PFKFB3: variants seen among roughly 807,000 people sequenced by gnomAD.
PFKFB3 encodes the protein 6-phosphofructo-2-kinase/fructose-2,6-biphosphatase 3.
In PFKFB3, 33 loss-of-function variants were observed where a neutral mutation model predicts 68.0. The observed-to-expected ratio is 0.49, with a 90% CI of 0.37 to 0.65. The LOEUF (loss-of-function observed/expected upper bound fraction) is 0.65. Ranked by LOEUF, PFKFB3 falls within the 30% of genes least tolerant of loss-of-function variation. PFKFB3 has a pLI of 0.00. For synonymous variants in PFKFB3, 315 were observed against 288.2 expected, an observed-to-expected ratio of 1.09 and a Z score of -0.94; for missense variants, 586 against 712.2, an observed-to-expected ratio of 0.82 and a Z score of 2.02.
the PFKFB3 span, among the ~76,000 whole-genome samples, chr10:6,274,908 C>T: frequency 1.2e-5 from 1 of 80,848 alleles, no homozygotes; most frequent in African/African-American, 3.0e-5. Flanking sequence ...TACTGGTGAC[C>T]GACACAGAGG....
intron 1 of PFKFB3, among the ~76,000 whole-genome samples, chr10:6,195,275 C>T (rs986172975): frequency 3.3e-5 from 5 of 152,188 alleles, no homozygotes; most frequent in Non-Finnish European, 7.3e-5. Context: ...TTAGTAGTGG[C>T]CATGTTTCCC....
rs1383191686 is a variant in PFKFB3 at position 6,228,041 on chromosome 10, G to A, written c.1515+1676G>A. ...GCATCCTCCTGTCCGCTTCAGAGCTGCCCCTGGCGTTGGGAGGACAGTCCT... is the reference window on the plus strand; with the variant it reads ...GCATCCTCCTGTCCGCTTCAGAGCTACCCCTGGCGTTGGGAGGACAGTCCT... On this transcript the variant is annotated intron_variant, in intron 14 of 14. Transcript: ENST00000379775. This position sits in a 1 kb window ranked among gnomAD's most constrained non-coding sequence, Gnocchi z 4.5. Among the ~76,000 whole-genome samples the A allele has an allele frequency of 6.6e-6, 1 of 152,202 alleles. No homozygotes were observed. The highest frequency in any genetic ancestry group is 1.5e-5 in the Non-Finnish European group (1 of 68,028).
chr10:6,261,147 G>C, the PFKFB3 span, among the ~76,000 whole-genome samples: 1 of 152,188 alleles, frequency 6.6e-6, no homozygotes, highest in African/African-American at 2.4e-5. Flanking sequence ...GACAAACGAG[G>C]TTGTCTTTTC....
the PFKFB3 span, chr10:6,326,605 C>A: frequency 2.2e-6 from 1 of 451,340 alleles, no homozygotes; most frequent in Non-Finnish European, 4.4e-6. Context: ...GTTGCCCCGA[C>A]GAGGAAGTGT....
At chr10:6,161,599 C>T (rs1049264836) in intron 1 of PFKFB3, among the ~76,000 whole-genome samples, 4 of 150,148 alleles carry the variant, frequency 2.7e-5, no homozygotes, top group African/African-American at 9.8e-5. Context: ...TATATATACA[C>T]ACACACATAT....
chr10:6,257,749 C>T (rs1178824907), downstream of PFKFB3, among the ~76,000 whole-genome samples: 1 of 151,958 alleles, frequency 6.6e-6, no homozygotes, highest in Non-Finnish European at 1.5e-5. Context: ...GGAAGAGTTC[C>T]TAGGACAACC....
chr10:6,308,045 G>A, the PFKFB3 span, among the ~76,000 whole-genome samples: 524 of 152,258 alleles, frequency 3.4e-3, 4 homozygotes, highest in Non-Finnish European at 6.4e-3. Flanking sequence ...ACCTTCATAT[G>A]GGACTTCATA....
chr10:6,205,502 C>T (rs1242468892), intron 1 of PFKFB3, among the ~76,000 whole-genome samples: 4 of 147,634 alleles, frequency 2.7e-5, no homozygotes, highest in East Asian at 2.0e-4. Flanking sequence ...AAGCGATTCT[C>T]GTGCCTCAGT....
rs1035716889 is a variant in PFKFB3, at chr10:6,209,921, C to T, written c.77-3702C>T. Among the ~76,000 whole-genome samples, 11 of 151,994 alleles carry T rather than the reference C, an allele frequency of 7.2e-5. 1 individual carries two copies. Among genetic ancestry groups the T allele is most frequent in the Admixed American group, 4.6e-4 (7 of 15,270 alleles). ...CTGGGACTACAGGCGCCTGCCATCA[C>T]GCCTGGCTAATGTTTTGTATTTTTA... is the stretch of plus-strand genomic sequence containing the variant. On this transcript the variant is annotated intron_variant, in intron 1 of 14. Coordinates refer to ENST00000379775, the MANE Select transcript of PFKFB3 (RefSeq NM_004566.4).
At chr10:6,256,780 A>G (rs901652535), downstream of PFKFB3, among the ~76,000 whole-genome samples, 1 of 152,230 alleles carries the variant, frequency 6.6e-6, no homozygotes, top group Non-Finnish European at 1.5e-5. Context: ...GGATGTTCAA[A>G]TCGACCCATG....
intron 8 of PFKFB3, among the ~76,000 whole-genome samples, chr10:6,221,133 C>T (rs1301509955): frequency 6.6e-6 from 1 of 152,024 alleles, no homozygotes; most frequent in East Asian, 1.9e-4. Context: ...GTATGTGTGT[C>T]TCTGGTGTGT....
the PFKFB3 span, among the ~76,000 whole-genome samples, chr10:6,306,140 C>T: frequency 2.6e-5 from 4 of 152,158 alleles, no homozygotes; most frequent in African/African-American, 9.7e-5. Context: ...CTTAAGTGAT[C>T]CTCCCGCCTG....
chr10:6,180,376 AAG>A (rs1842676264), intron 1 of PFKFB3, among the ~76,000 whole-genome samples: 1 of 152,236 alleles, frequency 6.6e-6, no homozygotes, highest in African/African-American at 2.4e-5. Flanking sequence ...AATATGAAGA[AAG>A]AAATCATTCA....
chr10:6,165,806 T>G (rs1842116582), intron 1 of PFKFB3, among the ~76,000 whole-genome samples: 1 of 151,822 alleles, frequency 6.6e-6, no homozygotes, highest in Non-Finnish European at 1.5e-5. Flanking sequence ...TTTATTTTCT[T>G]TTTTCTTTGT....
At chr10:6,295,506 G>A in the PFKFB3 span, among the ~76,000 whole-genome samples, 3 of 150,280 alleles carry the variant, frequency 2.0e-5, no homozygotes, top group East Asian at 1.9e-4. Flanking sequence ...GATTACAGCC[G>A]TGAACCACCG....
chr10:6,271,411 G>A, the PFKFB3 span, among the ~76,000 whole-genome samples: 1 of 152,248 alleles, frequency 6.6e-6, no homozygotes, highest in African/African-American at 2.4e-5. Context: ...CCAAGAGGCG[G>A]GAAGTCAAAC....
the PFKFB3 span, among the ~76,000 whole-genome samples, chr10:6,286,800 TG>T: frequency 2.0e-5 from 3 of 152,368 alleles, 1 homozygote; most frequent in African/African-American, 7.2e-5. Context: ...TCCTTGCTGT[TG>T]TTTTTTTTCC....
downstream of PFKFB3, among the ~76,000 whole-genome samples, chr10:6,255,139 CTTT>C (rs113753232): frequency 8.0e-6 from 1 of 125,116 alleles, no homozygotes; most frequent in Non-Finnish European, 1.7e-5. Flanking sequence ...TTTTCTTCTT[CTTT>C]TTTTTTTTGA....
chr10:6,228,191 C>A lies in PFKFB3; in HGVS notation c.1515+1826C>A. On this transcript the variant is annotated intron_variant, in intron 14 of 14. Coordinates refer to ENST00000379775, the MANE Select transcript of PFKFB3 (RefSeq NM_004566.4). The surrounding 1 kb of genome is among the most constrained non-coding windows in gnomAD (Gnocchi z 4.5). ...CTGACTTCTCTCTCTGCTTCTCCTC[C>A]GCAGCCTTTGCTAGGGCAAGCCTGT... The A allele has an allele frequency of 6.2e-7, 1 of 1,612,776 alleles. No individual in the cohort carries two copies. The highest frequency in any genetic ancestry group is 8.5e-7 in the Non-Finnish European group (1 of 1,179,878).
Sources: gnomAD v4.1 joint callset for allele counts (sites outside exome capture counted in the v4.1 genomes callset) on GRCh38, gnomAD v4.1.1 for gene constraint, Gnocchi (gnomAD v3.1) non-coding constraint, MANE v1.5 for transcripts, NCBI Gene and HGNC (gene_info 2026-07-23, HGNC 2026-07-21) for gene names.